The following CLCN1 variants were observed in gnomAD, a reference collection of about 807,000 sequenced individuals.
CLCN1 encodes the protein chloride channel protein 1.
In CLCN1, 100 loss-of-function variants were observed where a neutral mutation model predicts 114.5. That is an observed-to-expected ratio of 0.87 (90% confidence interval 0.74 to 1.03). CLCN1 has a LOEUF of 1.03. CLCN1 is among the 50% of genes least tolerant of loss of function. The pLI is 0.00. For synonymous variants in CLCN1, 485 were observed against 487.1 expected (o/e 1.00, Z 0.06); for missense variants, 1,188 against 1,250.0 (o/e 0.95, Z 0.75).
chr7:143,343,712 TTC>T (rs374586960), intron 16 of CLCN1, among the ~76,000 whole-genome samples: 1 of 146,648 alleles, frequency 6.8e-6, no homozygotes, highest in African/African-American at 2.6e-5. Flanking sequence ...CTTCCTTTCT[TTC>T]TCTTTCTTTC....
Position 143,339,449 on chromosome 7 carries a change from G to T in CLCN1, c.1472-62G>T. 1 of 1,455,740 alleles carries T rather than the reference G, an allele frequency of 6.9e-7. No homozygotes were observed. Among genetic ancestry groups the T allele is most frequent in the South Asian group, 1.1e-5 (1 of 87,794 alleles). The allele number at this position is 1,455,740 out of a possible 1,614,324, so 90.2% of individuals were successfully genotyped here. On this transcript the variant is annotated intron_variant, in intron 13 of 22. Transcript: ENST00000343257. The surrounding 1 kb of genome is among the most constrained non-coding windows in gnomAD (Gnocchi z 4.1). ...TAATGCCCAAGGAGAGATTGGTTCT[G>T]AAAACTGAGAGCAAGGAACTTGGAT...
At chr7:143,316,448 G>T (rs1231563678) in intron 1 of CLCN1, 56 bp downstream of exon 1, 6 of 1,504,624 alleles carry the variant, frequency 4.0e-6, no homozygotes, top group Non-Finnish European at 4.6e-6. Flanking sequence ...AGTGGTGCCA[G>T]AGACTGGTGA....
intron 12 of CLCN1, among the ~76,000 whole-genome samples, chr7:143,335,816 C>T (rs950774126): frequency 3.3e-5 from 5 of 152,036 alleles, no homozygotes; most frequent in South Asian, 2.1e-4. Context: ...CCCGCCACCA[C>T]GCCCAGCTAA....
chr7:143,344,654 A>G (rs1563086193), intron 16 of CLCN1, among the ~76,000 whole-genome samples: 1 of 152,196 alleles, frequency 6.6e-6, no homozygotes. Flanking sequence ...TCTTGGCCTT[A>G]AAACTTAATA....
chr7:143,329,273 A>C (rs1157232827), intron 7 of CLCN1, among the ~76,000 whole-genome samples: 1 of 152,180 alleles, frequency 6.6e-6, no homozygotes, highest in Non-Finnish European at 1.5e-5. Flanking sequence ...GCCTCCCAGG[A>C]ATTTTCAATC....
chr7:143,347,853 C>G lies in CLCN1; in HGVS notation c.2403+904C>G, dbSNP rs868518247. The stretch of plus-strand genomic sequence containing the variant: ...AAATCTTCAAGAGAGAAAAATCAAG[C>G]ATTCTGAATGTGCTTGGTTGTCAGG... On this transcript the variant is annotated intron_variant, in intron 20 of 22. Coordinates refer to ENST00000343257, the MANE Select transcript of CLCN1 (RefSeq NM_000083.3). 2.6e-5 allele frequency among the ~76,000 whole-genome samples: 4 copies of G among 152,028 alleles called. No individual in the cohort carries two copies. In the South Asian group the frequency reaches 6.2e-4, roughly 24 times the overall value.
At chr7:143,330,514 G>A (rs1390284702) in intron 7 of CLCN1, among the ~76,000 whole-genome samples, 1 of 152,138 alleles carries the variant, frequency 6.6e-6, no homozygotes, top group Non-Finnish European at 1.5e-5. Context: ...TGGTCCTCAT[G>A]TTTTGGAGGT....
At chr7:143,346,102 T>C in intron 17 of CLCN1, 38 bp from the exon 18 acceptor site, 1 of 1,362,268 alleles carries the variant, frequency 7.3e-7, no homozygotes. Context: ...CCAGGCAGTC[T>C]CTGCTCCCAG....
intron 10 of CLCN1, among the ~76,000 whole-genome samples, chr7:143,332,190 G>A (rs1341120088): frequency 6.6e-6 from 1 of 152,118 alleles, no homozygotes; most frequent in Non-Finnish European, 1.5e-5. Context: ...TCTTGAACTT[G>A]TGACCTAAGG....
chr7:143,351,783 AC>A lies in CLCN1; in HGVS notation c.2789del (p.Pro930LeufsTer18), dbSNP rs749552056. ...TGDVIAASPE[T>X]PVPSPSPEPP... ...GGATGTGATTGCTGCCTCCCCAGAGACCCCTGTGCCATCTCCTTCCCCAGAG... is the reference window on the plus strand; with the variant it reads ...GGATGTGATTGCTGCCTCCCCAGAGACCCTGTGCCATCTCCTTCCCCAGAG... On this transcript the variant is annotated frameshift_variant, in exon 23 of 23. Coordinates refer to ENST00000343257, the MANE Select transcript of CLCN1 (RefSeq NM_000083.3). LOFTEE classifies it high-confidence loss of function. 31 of 1,613,914 alleles carry A rather than the reference AC, an allele frequency of 1.9e-5. No homozygotes were observed. In the Middle Eastern group the frequency reaches 3.8e-3, roughly 198 times the overall value.
In CLCN1 at chr7:143,350,436, A is replaced by G. The variant is rs1337103899; in HGVS notation, c.2468A>G (p.Gln823Arg). 6.2e-7 allele frequency: 1 copy of G among 1,614,196 alleles called. No homozygotes were observed. Among genetic ancestry groups the G allele is most frequent in the Admixed American group, 1.7e-5 (1 of 60,026 alleles). The change falls in exon 21 of 23, where the codon CAG (glutamine) becomes CGG (arginine). Residue 823 changes from glutamine (Q) to arginine (R), a missense_variant. Transcript: ENST00000343257. This position sits in a 1 kb window ranked among gnomAD's most constrained non-coding sequence, Gnocchi z 5.1. ...PVCFDSCCID[Q>R]SPFQLVEQTT... ...TGTTTTGATTCCTGCTGTATTGACC[A>G]GTCTCCCTTCCAGCTGGTGGAGCAG...
chr7:143,333,131 T>C (rs1164648044), intron 12 of CLCN1, among the ~76,000 whole-genome samples: 1 of 152,034 alleles, frequency 6.6e-6, no homozygotes, highest in Admixed American at 6.6e-5. Flanking sequence ...AAACCCCATC[T>C]CTACCAAAAA....
intron 7 of CLCN1, among the ~76,000 whole-genome samples, chr7:143,329,671 G>A (rs1802670720): frequency 6.6e-6 from 1 of 152,204 alleles, no homozygotes; most frequent in Non-Finnish European, 1.5e-5. Flanking sequence ...TGTTCACATG[G>A]AGAGAAAGGG....
In CLCN1 at chr7:143,342,526, C is replaced by T. The variant is rs528101168; in HGVS notation, c.1930+21C>T. ...AAAAGGTCAGTGGGGAGGAAGAAGT[C>T]GACTCCAGAGCTAGTGACCTGAATA... is the stretch of plus-strand genomic sequence containing the variant. On this transcript the variant is annotated intron_variant, in intron 16 of 22. Coordinates refer to ENST00000343257, the MANE Select transcript of CLCN1 (RefSeq NM_000083.3). The T allele has an allele frequency of 7.4e-6, 12 of 1,613,582 alleles. No homozygotes were observed. In the African/African-American group the frequency reaches 8.0e-5, roughly 11 times the overall value.
At chr7:143,329,125 G>A (rs959918795) in intron 7 of CLCN1, among the ~76,000 whole-genome samples, 4 of 151,908 alleles carry the variant, frequency 2.6e-5, no homozygotes, top group Non-Finnish European at 5.9e-5. Context: ...CTGCCACAGC[G>A]CCTGACTAAT....
At chr7:143,341,837 C>G (rs1388576897) in intron 14 of CLCN1, 92 bp from the exon 15 acceptor site, 3 of 986,324 alleles carry the variant, frequency 3.0e-6, no homozygotes, top group African/African-American at 1.6e-5. Flanking sequence ...GGTCATGTCT[C>G]TCATTCCGTG....
intron 2 of CLCN1, 92 bp downstream of exon 2, chr7:143,319,967 C>A (rs1463087990): frequency 1.5e-6 from 2 of 1,331,638 alleles, no homozygotes; most frequent in East Asian, 4.6e-5. Context: ...CGTACGTACT[C>A]CCTGCCCTGC....
rs184837220 is a variant in CLCN1, at chr7:143,350,538, C to A, written c.2509-30C>A. The A allele has an allele frequency of 5.6e-6, 9 of 1,610,362 alleles. No individual in the cohort carries two copies. The highest frequency in any genetic ancestry group is 7.6e-6 in the Non-Finnish European group (9 of 1,176,526). ...GGCAGGAGAGCTGTGGGGCAAGGAA[C>A]ATGCACTGACCTGTGCTCTTCATCC... On this transcript the variant is annotated intron_variant, in intron 21 of 22. Coordinates refer to ENST00000343257, the MANE Select transcript of CLCN1 (RefSeq NM_000083.3). This position sits in a 1 kb window ranked among gnomAD's most constrained non-coding sequence, Gnocchi z 5.1.
intron 15 of CLCN1, 75 bp from the exon 16 acceptor site, chr7:143,342,297 T>C (rs556429911): frequency 4.3e-5 from 68 of 1,577,974 alleles, no homozygotes; most frequent in Admixed American, 1.7e-4. Flanking sequence ...ACTGAAAGTA[T>C]GGCAAATCTT....
Sources: allele counts gnomAD v4.1 joint callset (sites outside exome capture counted in the v4.1 genomes callset), GRCh38; gene constraint gnomAD v4.1.1; non-coding constraint Gnocchi (gnomAD v3.1); transcripts MANE v1.5; gene names NCBI Gene and HGNC (gene_info 2026-07-23, HGNC 2026-07-21).